ZNF462: variants seen among roughly 807,000 people sequenced by gnomAD.
The protein encoded by ZNF462 is zinc finger PBX1-interacting protein.
Under a neutral mutation model 201.9 loss-of-function variants are expected in ZNF462, and 10 were observed. The observed-to-expected ratio is 0.05, with a 90% CI of 0.03 to 0.08. The LOEUF (loss-of-function observed/expected upper bound fraction) is 0.08, where lower values mean the gene tolerates loss of function less well. Among genes scored for constraint, ZNF462 ranks in the 10% least tolerant of loss-of-function variants. The pLI is 1.00. For synonymous variants in ZNF462, 1,227 were observed against 1,193.3 expected (o/e 1.03, Z -0.58); for missense variants, 2,523 against 3,168.3 (o/e 0.80, Z 4.89).
chr9:106,921,253 G>T (rs1329139603), intron 1 of ZNF462, among the ~76,000 whole-genome samples: 3 of 152,188 alleles, frequency 2.0e-5, no homozygotes, highest in African/African-American at 4.8e-5. Context: ...GCTCTGCTGG[G>T]ACTAACAAAC....
intron 9 of ZNF462, chr9:106,976,095 G>A (rs973573915): frequency 6.6e-6 from 1 of 152,218 alleles, no homozygotes; most frequent in African/African-American, 2.4e-5. Context: ...TTAAAGACGT[G>A]TGTGCCGAAC....
In ZNF462 at chr9:106,962,136, G is replaced by GAA. The variant is rs1354080787; in HGVS notation, c.6428-9867_6428-9866dup. On this transcript the variant is annotated intron_variant, in intron 7 of 12. Transcript: ENST00000277225. This position sits in a 1 kb window ranked among gnomAD's most constrained non-coding sequence, Gnocchi z 4.6. ...AAAGAAAGGAATCATAGGGGGAGAA[G>GAA]AAACTGGAAAATGGAATGCCAGTTA... Among the ~76,000 whole-genome samples the GAA allele has an allele frequency of 2.0e-5, 3 of 151,976 alleles. No homozygotes were observed. The highest frequency in any genetic ancestry group is 7.2e-5 in the African/African-American group (3 of 41,406).
chr9:106,915,213 T>C (rs1320884278), intron 1 of ZNF462, among the ~76,000 whole-genome samples: 1 of 151,152 alleles, frequency 6.6e-6, no homozygotes, highest in East Asian at 2.0e-4. Context: ...TTTTTTTTTT[T>C]CTTTTTTTTT....
At chr9:106,878,768 T>C (rs1827952660) in intron 1 of ZNF462, among the ~76,000 whole-genome samples, 1 of 152,244 alleles carries the variant, frequency 6.6e-6, no homozygotes, top group Non-Finnish European at 1.5e-5. Flanking sequence ...TGTGTGTATA[T>C]ATTTACAATA....
Position 107,009,545 on chromosome 9 carries a change from A to C in ZNF462, c.7190A>C (p.Glu2397Ala), listed in dbSNP as rs1588212743. The C allele has an allele frequency of 6.2e-7, 1 of 1,613,714 alleles. No individual in the cohort carries two copies. The highest frequency in any genetic ancestry group is 8.5e-7 in the Non-Finnish European group (1 of 1,179,914). The change falls in exon 12 of 13, where the codon GAG becomes GCG. Residue 2397 changes from glutamate to alanine, a missense_variant and splice_region_variant. By Grantham distance (107) the Glu-to-Ala change is moderately radical. Around this residue, in one of 15 missense-constraint regions of ZNF462, gnomAD observed 228 missense variants for 361.2 expected, o/e 0.63. Transcript: ENST00000277225. This position sits in a 1 kb window ranked among gnomAD's most constrained non-coding sequence, Gnocchi z 6.1. Reference sequence around the variant, plus strand: ...TAACACTTCTGCTTTCTCTTTGCAGAGCTGATGAGATTTTCTGACCACGGG... The same window carrying C: ...TAACACTTCTGCTTTCTCTTTGCAGCGCTGATGAGATTTTCTGACCACGGG... ...EEMNSKAEDR[E>A]LMRFSDHGAA...
chr9:106,867,001 A>G (rs1827363292), intron 1 of ZNF462, among the ~76,000 whole-genome samples: 1 of 152,260 alleles, frequency 6.6e-6, no homozygotes, highest in Admixed American at 6.5e-5. Context: ...TTGTCAGTCC[A>G]GCTGTTTGAC....
rs1403489605 is a variant in ZNF462 at position 106,984,450 on chromosome 9, T to A, written c.7056+41T>A. The A allele has an allele frequency of 6.5e-7, 1 of 1,546,592 alleles. No individual in the cohort carries two copies. Reference sequence around the variant, plus strand: ...TCCTGCTCCCGCCTCAGCACACTTGTGGGGAGGGGCCAAGGGGGAGACACC... The same window carrying A: ...TCCTGCTCCCGCCTCAGCACACTTGAGGGGAGGGGCCAAGGGGGAGACACC... On this transcript the variant is annotated intron_variant, in intron 10 of 12. Coordinates refer to ENST00000277225, the MANE Select transcript of ZNF462 (RefSeq NM_021224.6). The surrounding 1 kb of genome is among the most constrained non-coding windows in gnomAD (Gnocchi z 6.4).
chr9:106,935,985 A>G lies in ZNF462; in HGVS notation c.6235+364A>G, dbSNP rs1348650196. 1.3e-5 allele frequency among the ~76,000 whole-genome samples: 2 copies of G among 152,180 alleles called. No individual in the cohort carries two copies. Among genetic ancestry groups the G allele is most frequent in the African/African-American group, 4.8e-5 (2 of 41,430 alleles). Reference sequence around the variant, plus strand: ...ATCTATTAAAAAGACTTTCCAGCTAAAATAAAGTTACCAACTTAAGGAAGT... The same window carrying G: ...ATCTATTAAAAAGACTTTCCAGCTAGAATAAAGTTACCAACTTAAGGAAGT... On this transcript the variant is annotated intron_variant, in intron 6 of 12. Transcript: ENST00000277225. The surrounding 1 kb of genome is among the most constrained non-coding windows in gnomAD (Gnocchi z 4.1).
rs1239434554 is a variant in ZNF462 at position 107,005,787 on chromosome 9, G to A, written c.7189+2361G>A. 6.6e-6 allele frequency among the ~76,000 whole-genome samples: 1 copy of A among 152,062 alleles called. No homozygotes were observed. Among genetic ancestry groups the A allele is most frequent in the Non-Finnish European group, 1.5e-5 (1 of 67,980 alleles). ...CAATGTCATGGAGCTTTTCCCCTTTGTTTTTGTCTAGTAGTTTTATAGTTT... is the reference window on the plus strand; with the variant it reads ...CAATGTCATGGAGCTTTTCCCCTTTATTTTTGTCTAGTAGTTTTATAGTTT... On this transcript the variant is annotated intron_variant, in intron 11 of 12. Coordinates refer to ENST00000277225, the MANE Select transcript of ZNF462 (RefSeq NM_021224.6). This position sits in a 1 kb window ranked among gnomAD's most constrained non-coding sequence, Gnocchi z 4.4.
rs148366851 is a variant in ZNF462, at chr9:106,954,984, G to A, written c.6427+15877G>A. Among the ~76,000 whole-genome samples the A allele has an allele frequency of 5.3e-5, 8 of 152,276 alleles. No individual in the cohort carries two copies. The highest frequency in any genetic ancestry group is 2.6e-4 in the Admixed American group (4 of 15,282). On this transcript the variant is annotated intron_variant, in intron 7 of 12. Transcript: ENST00000277225. The surrounding 1 kb of genome is among the most constrained non-coding windows in gnomAD (Gnocchi z 4.0). ...TTGTGTCCTGTAAATAGTCATGGTAGTAAAGTAGTAAATCAAGATTTGAAT... is the reference window on the plus strand; with the variant it reads ...TTGTGTCCTGTAAATAGTCATGGTAATAAAGTAGTAAATCAAGATTTGAAT...
rs1351409586 is a variant in ZNF462 at position 106,920,244 on chromosome 9, T to A, written c.-30-3110T>A. Reference sequence around the variant, plus strand: ...CATGTCCAGTGTGTTTTTGTCTCTGTCCTTCTCTACTCCCTTCCCCTCCAC... The same window carrying A: ...CATGTCCAGTGTGTTTTTGTCTCTGACCTTCTCTACTCCCTTCCCCTCCAC... On this transcript the variant is annotated intron_variant, in intron 1 of 12. Transcript: ENST00000277225. The surrounding 1 kb of genome is among the most constrained non-coding windows in gnomAD (Gnocchi z 4.3). Among the ~76,000 whole-genome samples, 1 of 152,132 alleles carries A rather than the reference T, an allele frequency of 6.6e-6. No individual in the cohort carries two copies. The highest frequency in any genetic ancestry group is 6.6e-5 in the Admixed American group (1 of 15,266).
chr9:106,946,904 A>G (rs148780361), intron 7 of ZNF462, among the ~76,000 whole-genome samples: 20 of 152,340 alleles, frequency 1.3e-4, no homozygotes, highest in African/African-American at 4.3e-4. Context: ...AATAAATTAC[A>G]TACATTCTGA....
At position 106,863,262 on chromosome 9, in the gene ZNF462, T is replaced by C; in HGVS notation, c.-124T>C. ...GACTCCCAAACAACTTCCACAACAA[T>C]AACCCGAGCAGGAAGAGGAGAAAGA... On this transcript the variant is annotated 5_prime_UTR_variant, in exon 1 of 13. Coordinates refer to ENST00000277225, the MANE Select transcript of ZNF462 (RefSeq NM_021224.6). The C allele has an allele frequency of 2.5e-6, 1 of 398,692 alleles. No individual in the cohort carries two copies. 24.7% of individuals were successfully genotyped at this position (398,692 alleles called of 1,614,324 possible).
rs1044165338 is a variant in ZNF462, at chr9:106,876,446, C to T, written c.-31+13091C>T. Among the ~76,000 whole-genome samples, 2 of 152,106 alleles carry T rather than the reference C, an allele frequency of 1.3e-5. No individual in the cohort carries two copies. Among genetic ancestry groups the T allele is most frequent in the Non-Finnish European group, 1.5e-5 (1 of 68,024 alleles). On this transcript the variant is annotated intron_variant, in intron 1 of 12. Coordinates refer to ENST00000277225, the MANE Select transcript of ZNF462 (RefSeq NM_021224.6). The surrounding 1 kb of genome is among the most constrained non-coding windows in gnomAD (Gnocchi z 4.9). ...TGGTCTTAAAGTCAGCTTTTGGAAT[C>T]CTGCTTGTTTAATTTTGTGCTGTGT...
Position 106,954,767 on chromosome 9 carries a change from CT to C in ZNF462, c.6427+15662del, listed in dbSNP as rs1390677132. Among the ~76,000 whole-genome samples, 2 of 152,140 alleles carry C rather than the reference CT, an allele frequency of 1.3e-5. No homozygotes were observed. Among genetic ancestry groups the C allele is most frequent in the African/African-American group, 4.8e-5 (2 of 41,428 alleles). ...TGATCTCCCGAGATGTGAGTCAACT[CT>C]TCCTCTGAAATCCCTCAATGCTGTG... On this transcript the variant is annotated intron_variant, in intron 7 of 12. Transcript: ENST00000277225. This position sits in a 1 kb window ranked among gnomAD's most constrained non-coding sequence, Gnocchi z 4.0.
chr9:106,888,235 G>A (rs988498053), intron 1 of ZNF462, among the ~76,000 whole-genome samples: 8 of 151,694 alleles, frequency 5.3e-5, no homozygotes, highest in African/African-American at 1.9e-4. Context: ...TAGAGACAGG[G>A]TTTCACCGTG....
In ZNF462 at chr9:106,917,064, C is replaced by G. The variant is rs1588050357; in HGVS notation, c.-30-6290C>G. Among the ~76,000 whole-genome samples the G allele has an allele frequency of 6.6e-6, 1 of 152,172 alleles. No individual in the cohort carries two copies. The highest frequency in any genetic ancestry group is 6.5e-5 in the Admixed American group (1 of 15,284). On this transcript the variant is annotated intron_variant, in intron 1 of 12. Transcript: ENST00000277225. The surrounding 1 kb of genome is among the most constrained non-coding windows in gnomAD (Gnocchi z 4.5). ...CTATTGGCCTGTTGGCCTCAATTAG[C>G]CTTATATCATTGCAAAGGAATGCAT... is the stretch of plus-strand genomic sequence containing the variant.
rs547405971 is a variant in ZNF462 at position 106,887,664 on chromosome 9, T to A, written c.-31+24309T>A. ...AAGCTAAACCCACATTGTATATACA[T>A]CTATTTCTTTCCTTTCTCTCCTTTA... On this transcript the variant is annotated intron_variant, in intron 1 of 12. Coordinates refer to ENST00000277225, the MANE Select transcript of ZNF462 (RefSeq NM_021224.6). Among the ~76,000 whole-genome samples the A allele has an allele frequency of 3.9e-5, 6 of 152,310 alleles. No individual in the cohort carries two copies. In the South Asian group the frequency reaches 1.0e-3, roughly 26 times the overall value.
intron 1 of ZNF462, among the ~76,000 whole-genome samples, chr9:106,887,520 C>A (rs1407176900): frequency 1.3e-5 from 2 of 152,128 alleles, no homozygotes; most frequent in Admixed American, 1.3e-4. Context: ...TAGAAGGAAC[C>A]TTTGAGGTTA....
Sources: allele counts gnomAD v4.1 joint callset (sites outside exome capture counted in the v4.1 genomes callset), GRCh38; gene constraint gnomAD v4.1.1; regional missense constraint gnomAD v4.1.1; non-coding constraint Gnocchi (gnomAD v3.1); transcripts MANE v1.5; gene names NCBI Gene and HGNC (gene_info 2026-07-23, HGNC 2026-07-21).